Variants in GALNTL6 observed in about 807,000 individuals in gnomAD.
The protein encoded by GALNTL6 is polypeptide N-acetylgalactosaminyltransferase like 6, also known as polypeptide N-acetylgalactosaminyltransferase-like 6.
A neutral mutation model predicts 73.7 loss-of-function variants in GALNTL6; 46 were observed. The observed-to-expected ratio is 0.62, with a 90% CI of 0.49 to 0.80. The LOEUF is 0.80. Among genes scored for constraint, GALNTL6 ranks in the 30% least tolerant of loss-of-function variants. GALNTL6 has a pLI of 0.00. For missense variants in GALNTL6, 604 were observed against 755.0 expected (o/e 0.80, Z 2.34); for synonymous variants, 259 against 263.7 (o/e 0.98, Z 0.17).
At chr4:172,014,794 T>C (rs1046565944) in intron 2 of GALNTL6, among the ~76,000 whole-genome samples, 6 of 152,114 alleles carry the variant, frequency 3.9e-5, no homozygotes, top group Admixed American at 6.6e-5. Context: ...TTCATTTTGA[T>C]TTCATTGTTG....
At chr4:172,970,270 G>T (rs1266424554) in intron 10 of GALNTL6, among the ~76,000 whole-genome samples, 2 of 152,190 alleles carry the variant, frequency 1.3e-5, no homozygotes, top group Admixed American at 6.5e-5. Context: ...TTAAACAACA[G>T]AAAACAGGGT....
intron 2 of GALNTL6, among the ~76,000 whole-genome samples, chr4:172,086,267 A>G (rs1033482287): frequency 6.6e-6 from 1 of 152,094 alleles, no homozygotes; most frequent in South Asian, 2.1e-4. Flanking sequence ...ATACATGAAG[A>G]TCTATTTGCA....
chr4:171,944,667 T>C (rs1387699442), intron 2 of GALNTL6, among the ~76,000 whole-genome samples: 1 of 152,022 alleles, frequency 6.6e-6, no homozygotes, highest in Non-Finnish European at 1.5e-5. Flanking sequence ...AGGAGAGTTA[T>C]ATTTAAGTTT....
chr4:171,991,817 T>C (rs1729127488), intron 2 of GALNTL6, among the ~76,000 whole-genome samples: 1 of 150,236 alleles, frequency 6.7e-6, no homozygotes. Context: ...AATTTGCTAC[T>C]ATGGTTATAT....
chr4:172,204,593 GTTTCC>G (rs760620983), intron 2 of GALNTL6, among the ~76,000 whole-genome samples: 18 of 152,118 alleles, frequency 1.2e-4, no homozygotes, highest in Non-Finnish European at 1.9e-4. Flanking sequence ...TATTAAGGGT[GTTTCC>G]TTTCATTTTC....
At chr4:172,327,087 A>G (rs942952544) in intron 4 of GALNTL6, among the ~76,000 whole-genome samples, 12 of 152,198 alleles carry the variant, frequency 7.9e-5, no homozygotes, top group African/African-American at 2.9e-4. Context: ...AAGTGAATAG[A>G]TACTAATAAA....
chr4:172,630,524 A>T lies in GALNTL6; in HGVS notation c.554-178837A>T, dbSNP rs967001147. Among the ~76,000 whole-genome samples, 3 of 152,008 alleles carry T rather than the reference A, an allele frequency of 2.0e-5. No individual in the cohort carries two copies. The South Asian group carries it at 6.2e-4, about 32-fold the overall frequency. On this transcript the variant is annotated intron_variant, in intron 5 of 12. Transcript: ENST00000506823. ...TTGCCACAGAAACTGGAGGGGAAAA[A>T]TCTGCTGCTCAAGAGTTCTATCTCT...
chr4:172,103,920 A>AT (rs1732595379), intron 2 of GALNTL6, among the ~76,000 whole-genome samples: 2 of 107,518 alleles, frequency 1.9e-5, no homozygotes, highest in East Asian at 4.2e-4. Flanking sequence ...AAACTAGGAC[A>AT]GGTTTTTGTT....
Position 172,421,831 on chromosome 4 carries a change from C to G in GALNTL6, c.553+73142C>G, listed in dbSNP as rs544371311. On this transcript the variant is annotated intron_variant, in intron 5 of 12. Transcript: ENST00000506823. ...TCTCCCATGGCTCCTGAATATTTGC[C>G]CCCAGACATGCATAAAATAGTTGTC... Among the ~76,000 whole-genome samples the G allele has an allele frequency of 4.6e-5, 7 of 152,064 alleles. No individual in the cohort carries two copies. The East Asian group carries it at 1.4e-3, about 29-fold the overall frequency.
At chr4:171,929,407 G>T (rs1738104103) in intron 2 of GALNTL6, among the ~76,000 whole-genome samples, 1 of 152,066 alleles carries the variant, frequency 6.6e-6, no homozygotes. Flanking sequence ...TAAACATTAA[G>T]ACTCCCTCAA....
intron 5 of GALNTL6, among the ~76,000 whole-genome samples, chr4:172,579,371 C>A (rs1737080065): frequency 6.6e-6 from 1 of 152,202 alleles, no homozygotes; most frequent in South Asian, 2.1e-4. Flanking sequence ...GTATAGAATA[C>A]CTAAAATACT....
At chr4:172,024,940 C>G (rs1158568725) in intron 2 of GALNTL6, among the ~76,000 whole-genome samples, 1 of 149,530 alleles carries the variant, frequency 6.7e-6, no homozygotes, top group Non-Finnish European at 1.5e-5. Flanking sequence ...CTTTAGATTG[C>G]TAATAAGAAA....
chr4:172,851,395 T>C (rs1280778107), intron 7 of GALNTL6, among the ~76,000 whole-genome samples: 3 of 145,606 alleles, frequency 2.1e-5, no homozygotes, highest in East Asian at 4.3e-4. Context: ...TATGTATGTA[T>C]GTACTTACAT....
At chr4:172,942,984 G>A (rs757135827) in intron 9 of GALNTL6, among the ~76,000 whole-genome samples, 1 of 151,884 alleles carries the variant, frequency 6.6e-6, no homozygotes, top group African/African-American at 2.4e-5. Context: ...AATCAATCAC[G>A]TAAAATTATT....
intron 5 of GALNTL6, among the ~76,000 whole-genome samples, chr4:172,357,632 TATACACAC>T (rs1742206106): frequency 1.3e-4 from 1 of 7,630 alleles, no homozygotes; most frequent in African/African-American, 1.9e-4. Context: ...TATATAGATA[TATACACAC>T]ACACACACAC....
At chr4:172,629,924 C>T (rs977435470) in intron 5 of GALNTL6, among the ~76,000 whole-genome samples, 3 of 152,102 alleles carry the variant, frequency 2.0e-5, no homozygotes, top group African/African-American at 7.2e-5. Flanking sequence ...AAATTATTCC[C>T]TCAGGGATTA....
rs552954280 is a variant in GALNTL6, at chr4:172,639,296, C to G, written c.554-170065C>G. Reference sequence around the variant, plus strand: ...CTACTGGGACCTCCATTCCGTTGATCTTTCCGATGTTACTCTATCCTCAGC... The same window carrying G: ...CTACTGGGACCTCCATTCCGTTGATGTTTCCGATGTTACTCTATCCTCAGC... On this transcript the variant is annotated intron_variant, in intron 5 of 12. Coordinates refer to ENST00000506823, the MANE Select transcript of GALNTL6 (RefSeq NM_001034845.3). Among the ~76,000 whole-genome samples the G allele has an allele frequency of 2.1e-4, 32 of 152,262 alleles. No individual in the cohort carries two copies. The South Asian group carries it at 5.2e-3, about 25-fold the overall frequency.
chr4:171,935,794 G>C (rs1357850256), intron 2 of GALNTL6, among the ~76,000 whole-genome samples: 1 of 152,160 alleles, frequency 6.6e-6, no homozygotes, highest in Non-Finnish European at 1.5e-5. Flanking sequence ...CCACTAGCTT[G>C]AAAATTCCTG....
At position 172,311,627 on chromosome 4, in the gene GALNTL6, T is replaced by C; in HGVS notation, c.261T>C (p.His87=). Residue 87 remains histidine (H), a synonymous_variant, in exon 4 of 13, where the codon CAT becomes CAC. Transcript: ENST00000506823. ...TTCTCCTGCTAGGGAAAGGTGAACA[T>C]GGGAAACCTTACCCCCTTACTGAAG... ...KEAMRSGKGE[H]GKPYPLTEED... 2 of 1,604,866 alleles carry C rather than the reference T, an allele frequency of 1.2e-6. No homozygotes were observed. Among genetic ancestry groups the C allele is most frequent in the Non-Finnish European group, 1.7e-6 (2 of 1,175,958 alleles).
Sources: gnomAD v4.1 joint callset for allele counts (sites outside exome capture counted in the v4.1 genomes callset) on GRCh38, gnomAD v4.1.1 for gene constraint, MANE v1.5 for transcripts, NCBI Gene and HGNC (gene_info 2026-07-23, HGNC 2026-07-21) for gene names.